Variants in NELL1 observed in about 807,000 individuals in gnomAD.
NELL1 encodes neural EGFL like 1.
NELL1 carries 76 observed loss-of-function variants against 107.4 expected under a neutral mutation model. That is an observed-to-expected ratio of 0.71 (90% confidence interval 0.59 to 0.86). The LOEUF is 0.86. Among genes scored for constraint, NELL1 ranks in the 40% least tolerant of loss-of-function variants. NELL1 has a pLI of 0.00. For missense variants in NELL1, 1,024 were observed against 1,005.5 expected, an observed-to-expected ratio of 1.02 and a Z score of -0.25; for synonymous variants, 353 against 341.2, an observed-to-expected ratio of 1.03 and a Z score of -0.38.
intron 14 of NELL1, among the ~76,000 whole-genome samples, chr11:21,277,189 A>G (rs908186942): frequency 2.6e-5 from 4 of 152,204 alleles, no homozygotes; most frequent in Non-Finnish European, 4.4e-5. Flanking sequence ...AATGAACTCA[A>G]ACAAATCTAC....
chr11:21,006,330 A>G (rs965001493), intron 12 of NELL1, among the ~76,000 whole-genome samples: 9 of 152,120 alleles, frequency 5.9e-5, no homozygotes, highest in Non-Finnish European at 1.3e-4. Flanking sequence ...TCACCATGCG[A>G]TGCCTTCTGC....
chr11:21,257,059 C>T (rs767113228), intron 14 of NELL1, among the ~76,000 whole-genome samples: 32 of 152,008 alleles, frequency 2.1e-4, no homozygotes, highest in Admixed American at 6.6e-5. Flanking sequence ...GTTCCTAGAG[C>T]TTCCCCTCAG....
At chr11:21,497,272 G>A (rs940230109) in intron 15 of NELL1, among the ~76,000 whole-genome samples, 1 of 151,990 alleles carries the variant, frequency 6.6e-6, no homozygotes, top group Non-Finnish European at 1.5e-5. Flanking sequence ...AAACCTGCAC[G>A]TTGTGCACAT....
intron 13 of NELL1, among the ~76,000 whole-genome samples, chr11:21,216,823 A>G (rs1342822714): frequency 6.6e-6 from 1 of 152,194 alleles, no homozygotes; most frequent in East Asian, 1.9e-4. Flanking sequence ...GATACCTTGG[A>G]CTTTGGGTTT....
intron 14 of NELL1, among the ~76,000 whole-genome samples, chr11:21,363,097 C>T (rs766007763): frequency 2.0e-5 from 3 of 152,136 alleles, no homozygotes; most frequent in South Asian, 2.1e-4. Context: ...CTCCCACATC[C>T]CCCAGACTTC....
At chr11:21,441,827 T>G (rs2133846786) in intron 15 of NELL1, among the ~76,000 whole-genome samples, 1 of 152,350 alleles carries the variant, frequency 6.6e-6, no homozygotes, top group South Asian at 2.1e-4. Context: ...GTACCAAATT[T>G]ATTTTGACCT....
At chr11:20,803,345 T>C (rs1448967427) in intron 3 of NELL1, among the ~76,000 whole-genome samples, 1 of 152,222 alleles carries the variant, frequency 6.6e-6, no homozygotes, top group Non-Finnish European at 1.5e-5. Context: ...TTCAAATTTA[T>C]TGGCATATAG....
intron 5 of NELL1, among the ~76,000 whole-genome samples, chr11:20,890,639 A>G (rs972442098): frequency 6.6e-6 from 1 of 152,148 alleles, no homozygotes; most frequent in Admixed American, 6.5e-5. Context: ...ATTGCTAACC[A>G]GAATAACCAG....
At chr11:20,812,808 A>G (rs1160230516) in intron 3 of NELL1, among the ~76,000 whole-genome samples, 2 of 151,640 alleles carry the variant, frequency 1.3e-5, no homozygotes, top group African/African-American at 4.8e-5. Flanking sequence ...GGAGATCGAG[A>G]CCATCCTGGC....
chr11:21,123,664 G>A (rs1855424070), intron 13 of NELL1, among the ~76,000 whole-genome samples: 1 of 152,076 alleles, frequency 6.6e-6, no homozygotes, highest in Admixed American at 6.6e-5. Flanking sequence ...ACGGTTTATA[G>A]CCAAAGGCCT....
chr11:20,813,286 A>G (rs1475400610), intron 3 of NELL1, among the ~76,000 whole-genome samples: 1 of 152,198 alleles, frequency 6.6e-6, no homozygotes, highest in Non-Finnish European at 1.5e-5. Flanking sequence ...AATCCAGAAG[A>G]TTGGGTTTAG....
intron 1 of NELL1, chr11:20,674,681 G>T: frequency 4.3e-6 from 3 of 690,624 alleles, no homozygotes; most frequent in Non-Finnish European, 7.6e-6. Context: ...ACTGAAACTG[G>T]ATCTCAGTTT....
chr11:20,669,849 G>A lies in NELL1; in HGVS notation c.55+71G>A. Reference sequence around the variant, plus strand: ...CCCACAGACCACGGCGGCGTGGGGAGACCTGGAGCCGAGCTTTGCGCTGGT... The same window carrying A: ...CCCACAGACCACGGCGGCGTGGGGAAACCTGGAGCCGAGCTTTGCGCTGGT... On this transcript the variant is annotated intron_variant, in intron 1 of 19. Coordinates refer to ENST00000357134, the MANE Select transcript of NELL1 (RefSeq NM_006157.5). The surrounding 1 kb of genome is among the most constrained non-coding windows in gnomAD (Gnocchi z 4.4). The A allele has an allele frequency of 7.6e-7, 1 of 1,315,718 alleles. No homozygotes were observed. Among genetic ancestry groups the A allele is most frequent in the Non-Finnish European group, 1.1e-6 (1 of 909,766 alleles). 81.5% of individuals were successfully genotyped at this position (1,315,718 alleles called of 1,614,324 possible). A position where few individuals can be genotyped will look rare whatever the true frequency, so the allele number is the denominator to read the frequency against.
chr11:20,767,770 G>T (rs1337335566), intron 2 of NELL1, among the ~76,000 whole-genome samples: 1 of 152,110 alleles, frequency 6.6e-6, no homozygotes, highest in Admixed American at 6.5e-5. Flanking sequence ...AATATTTATT[G>T]CACATCATGT....
At chr11:20,954,854 T>C (rs1173264114) in intron 11 of NELL1, among the ~76,000 whole-genome samples, 1 of 152,216 alleles carries the variant, frequency 6.6e-6, no homozygotes, top group Non-Finnish European at 1.5e-5. Context: ...ACATGCTTAA[T>C]AGAAACATAT....
At chr11:21,507,000 T>G (rs1002675450) in intron 15 of NELL1, among the ~76,000 whole-genome samples, 1 of 152,178 alleles carries the variant, frequency 6.6e-6, no homozygotes, top group Non-Finnish European at 1.5e-5. Flanking sequence ...GGCTCATACT[T>G]GTATATTTAA....
chr11:20,861,071 G>A (rs1362393791), intron 4 of NELL1, among the ~76,000 whole-genome samples: 1 of 152,160 alleles, frequency 6.6e-6, no homozygotes, highest in Non-Finnish European at 1.5e-5. Context: ...CTATATTGGT[G>A]TAGCCTTAGT....
At chr11:20,766,091 G>A (rs1256629295) in intron 2 of NELL1, among the ~76,000 whole-genome samples, 1 of 152,186 alleles carries the variant, frequency 6.6e-6, no homozygotes, top group African/African-American at 2.4e-5. Context: ...TGTAAGCACA[G>A]GTAAGCTGCA....
At chr11:21,520,449 T>G (rs74417564) in intron 15 of NELL1, among the ~76,000 whole-genome samples, 1,593 of 152,216 alleles carry the variant, frequency 0.01, 35 homozygotes, top group East Asian at 0.068. Context: ...TTTGACAGAT[T>G]TAAAATGATG....
Sources: allele counts gnomAD v4.1 joint callset (sites outside exome capture counted in the v4.1 genomes callset), GRCh38; gene constraint gnomAD v4.1.1; non-coding constraint Gnocchi (gnomAD v3.1); transcripts MANE v1.5; gene names NCBI Gene and HGNC (gene_info 2026-07-23, HGNC 2026-07-21).